Variants in ZNF490 observed in about 807,000 individuals in gnomAD.
The protein encoded by ZNF490 is zinc finger protein 490.
In ZNF490, 11 loss-of-function variants were observed where a neutral mutation model predicts 17.7. That is an observed-to-expected ratio of 0.62 (90% confidence interval 0.39 to 1.03). ZNF490 has a LOEUF of 1.03. Ranked by LOEUF, ZNF490 falls within the 50% of genes least tolerant of loss-of-function variation. ZNF490 has a pLI of 0.00. For missense variants in ZNF490, 542 were observed against 643.4 expected (o/e 0.84, Z 1.71); for synonymous variants, 222 against 216.1 (o/e 1.03, Z -0.24).
At chr19:12,602,103 C>T (rs1437679378) in intron 2 of ZNF490, among the ~76,000 whole-genome samples, 3 of 150,298 alleles carry the variant, frequency 2.0e-5, no homozygotes, top group South Asian at 2.1e-4. Flanking sequence ...CACACACACA[C>T]ACACACACAC....
At chr19:12,594,160 G>C (rs2022904946) in intron 2 of ZNF490, among the ~76,000 whole-genome samples, 1 of 152,144 alleles carries the variant, frequency 6.6e-6, no homozygotes, top group Non-Finnish European at 1.5e-5. Flanking sequence ...AGGCATGAGA[G>C]GAGGTTTCTA....
Position 12,577,778 on chromosome 19 carries a change from T to G in ZNF490, c.*2707A>C, listed in dbSNP as rs986628596. The G allele has an allele frequency of 1.0e-6, 1 of 985,370 alleles. No homozygotes were observed. The highest frequency in any genetic ancestry group is 1.2e-6 in the Non-Finnish European group (1 of 830,004). 61.0% of individuals were successfully genotyped at this position (985,370 alleles called of 1,614,324 possible). ...CCGACCCGAGCGACACAAAGATCAC[T>G]TCTGGGACCCACCCAGGGAGACTGT... On this transcript the variant is annotated 3_prime_UTR_variant, in exon 5 of 5. Coordinates refer to ENST00000311437, the MANE Select transcript of ZNF490 (RefSeq NM_020714.3).
Position 12,576,411 on chromosome 19 carries a change from CA to C in ZNF490, c.*4073del, listed in dbSNP as rs1195694284. ...ATCCCAGCTACTCAGGAGGCTGAAA[CA>C]GGAGAATTGCTTGAACCTGGGAGGC... On this transcript the variant is annotated 3_prime_UTR_variant, in exon 5 of 5. Transcript: ENST00000311437. Among the ~76,000 whole-genome samples the C allele has an allele frequency of 1.3e-5, 2 of 151,370 alleles. No individual in the cohort carries two copies. Among genetic ancestry groups the C allele is most frequent in the Non-Finnish European group, 2.9e-5 (2 of 67,886 alleles).
At chr19:12,595,234 C>T (rs1394684486) in intron 2 of ZNF490, among the ~76,000 whole-genome samples, 1 of 150,576 alleles carries the variant, frequency 6.6e-6, no homozygotes, top group African/African-American at 2.5e-5. Flanking sequence ...CTCCGCCTCC[C>T]GGGTTCAAGA....
Position 12,583,475 on chromosome 19 carries a change from A to C in ZNF490, c.244T>G (p.Tyr82Asp), listed in dbSNP as rs2022766797. The C allele has an allele frequency of 2.5e-6, 4 of 1,607,186 alleles. No individual in the cohort carries two copies. Among genetic ancestry groups the C allele is most frequent in the Non-Finnish European group, 3.4e-6 (4 of 1,175,632 alleles). Residue 82 changes from tyrosine (Y) to aspartate (D), a missense_variant, in exon 3 of 5, where the codon TAC (tyrosine) becomes GAC (aspartate). By Grantham distance (160) the Tyr-to-Asp change is radical. Transcript: ENST00000311437. ...AAGGTTGCCCGCATCACATCTCTGT[A>C]GATATTCCTCTGGCCAGGATCCAGC... ...ALLDPGQRNI[Y>D]RDVMRATFKN...
chr19:12,607,911 T>C (rs1422153949), intron 2 of ZNF490, among the ~76,000 whole-genome samples: 1 of 152,148 alleles, frequency 6.6e-6, no homozygotes, highest in African/African-American at 2.4e-5. Flanking sequence ...GATTGGCTTA[T>C]TGAAAATGTC....
rs757349310 is a variant in ZNF490 at position 12,610,622 on chromosome 19, T to C, written c.59A>G (p.Gln20Arg). 8 of 1,614,090 alleles carry C rather than the reference T, an allele frequency of 5.0e-6. No homozygotes were observed. The highest frequency in any genetic ancestry group is 1.6e-4 in the Middle Eastern group (1 of 6,062). Residue 20 changes from glutamine (Q) to arginine (R), a missense_variant, in exon 1 of 5, where the codon CAG becomes CGG. Transcript: ENST00000311437. ...GCCTTGACTAGACGACCACTTGCTC[T>C]GGACTTGCTCCTCGAGGGGTCGCTC... Reference protein sequence around the residue: ...QMERPLEEQVQSKWSSSQGRT... With the variant: ...QMERPLEEQVRSKWSSSQGRT...
At chr19:12,583,137 G>A (rs1186314827) in intron 3 of ZNF490, among the ~76,000 whole-genome samples, 1 of 151,854 alleles carries the variant, frequency 6.6e-6, no homozygotes, top group African/African-American at 2.4e-5. Flanking sequence ...GGCCTCCCGG[G>A]TTCAAGCAAT....
chr19:12,598,483 TC>T (rs2022961846), intron 2 of ZNF490, among the ~76,000 whole-genome samples: 1 of 150,302 alleles, frequency 6.7e-6, no homozygotes, highest in Non-Finnish European at 1.5e-5. Context: ...CAAGCGATTC[TC>T]CCGCCTCAGC....
chr19:12,598,383 T>C (rs1225940361), intron 2 of ZNF490, among the ~76,000 whole-genome samples: 1 of 151,142 alleles, frequency 6.6e-6, no homozygotes, highest in Non-Finnish European at 1.5e-5. Context: ...ATTCTCCCCT[T>C]TTTTTTTGGA....
At position 12,578,956 on chromosome 19, in the gene ZNF490, T is replaced by G; in HGVS notation, c.*1529A>C. 1 of 985,496 alleles carries G rather than the reference T, an allele frequency of 1.0e-6. No homozygotes were observed. Among genetic ancestry groups the G allele is most frequent in the Non-Finnish European group, 1.2e-6 (1 of 830,016 alleles). The allele number at this position is 985,496 out of a possible 1,614,324, so 61.0% of individuals were successfully genotyped here. On this transcript the variant is annotated 3_prime_UTR_variant, in exon 5 of 5. Transcript: ENST00000311437. Reference sequence around the variant, plus strand: ...TCTCCAGTGTGGGTGGTTTCATGGTTTTAAAATGAACTGGAGGCCGGGCGC... The same window carrying G: ...TCTCCAGTGTGGGTGGTTTCATGGTGTTAAAATGAACTGGAGGCCGGGCGC...
chr19:12,592,351 G>C (rs1047508787), intron 2 of ZNF490, among the ~76,000 whole-genome samples: 1 of 151,588 alleles, frequency 6.6e-6, no homozygotes, highest in African/African-American at 2.4e-5. Flanking sequence ...CTTGAGTCTG[G>C]GAGTTCAAGA....
intron 2 of ZNF490, among the ~76,000 whole-genome samples, chr19:12,592,786 A>G (rs1751978474): frequency 6.6e-6 from 1 of 152,226 alleles, no homozygotes; most frequent in South Asian, 2.1e-4. Context: ...AAAAGGATAA[A>G]CTATGTGGAG....
intron 2 of ZNF490, among the ~76,000 whole-genome samples, chr19:12,602,940 T>C (rs1216601014): frequency 6.6e-6 from 1 of 152,066 alleles, no homozygotes; most frequent in African/African-American, 2.4e-5. Flanking sequence ...CATGGGTTTT[T>C]CTTATGTGCA....
intron 2 of ZNF490, among the ~76,000 whole-genome samples, chr19:12,598,394 G>C (rs1239341657): frequency 6.6e-6 from 1 of 150,536 alleles, no homozygotes; most frequent in Non-Finnish European, 1.5e-5. Flanking sequence ...TTTTTTTGGA[G>C]GCAGAGTTTC....
At position 12,580,797 on chromosome 19, in the gene ZNF490, G is replaced by A. The variant is rs1005572997; in HGVS notation, c.1278C>T (p.Ala426=). The A allele has an allele frequency of 6.2e-7, 1 of 1,614,034 alleles. No homozygotes were observed. The highest frequency in any genetic ancestry group is 1.3e-5 in the African/African-American group (1 of 74,924). ...TTCGAAAGTGAGTGGAATAAAGAAA[G>A]GCTTTACCACATTCTTTACATTCGT... ...KTYECKECGK[A]FLYSTHFRIH... The change falls in exon 5 of 5, where the codon GCC becomes GCT. Residue 426 remains alanine (A), a synonymous_variant. Transcript: ENST00000311437.
intron 2 of ZNF490, among the ~76,000 whole-genome samples, chr19:12,608,801 A>T (rs2023104215): frequency 6.6e-6 from 1 of 151,926 alleles, no homozygotes; most frequent in Non-Finnish European, 1.5e-5. Context: ...GTAGAGACAG[A>T]GTCTCACTAC....
chr19:12,577,032 T>C lies in ZNF490; in HGVS notation c.*3453A>G, dbSNP rs538821612. ...GGACCCCAGGTGTTCTGATCTCTTC[T>C]CCAGGTTTCTCTGGCTCCTCGGGAA... On this transcript the variant is annotated 3_prime_UTR_variant, in exon 5 of 5. Coordinates refer to ENST00000311437, the MANE Select transcript of ZNF490 (RefSeq NM_020714.3). Among the ~76,000 whole-genome samples, 6 of 152,216 alleles carry C rather than the reference T, an allele frequency of 3.9e-5. No homozygotes were observed. The South Asian group carries it at 1.0e-3, about 26-fold the overall frequency.
intron 2 of ZNF490, among the ~76,000 whole-genome samples, chr19:12,605,355 C>T (rs1206116308): frequency 2.6e-5 from 4 of 151,856 alleles, no homozygotes; most frequent in Non-Finnish European, 5.9e-5. Flanking sequence ...GTGGCACATG[C>T]CTATATTCCT....
Sources: allele counts gnomAD v4.1 joint callset (sites outside exome capture counted in the v4.1 genomes callset), GRCh38; gene constraint gnomAD v4.1.1; transcripts MANE v1.5; gene names NCBI Gene and HGNC (gene_info 2026-07-23, HGNC 2026-07-21).